CSMD1: variants seen among roughly 807,000 people sequenced by gnomAD.
The protein encoded by CSMD1 is CUB and Sushi multiple domains 1, also known as CUB and sushi domain-containing protein 1.
In CSMD1, 213 loss-of-function variants were observed where a neutral mutation model predicts 417.5. The observed-to-expected ratio is 0.51, with a 90% CI of 0.46 to 0.57. CSMD1 has a LOEUF of 0.57. Ranked by LOEUF, CSMD1 falls within the 20% of genes least tolerant of loss-of-function variation. CSMD1 has a pLI of 0.00. For missense variants in CSMD1, 6,923 were observed against 4,529.7 expected, an observed-to-expected ratio of 1.53 and a Z score of -15.17; for synonymous variants, 2,862 against 1,736.8, an observed-to-expected ratio of 1.65 and a Z score of -16.11.
At position 4,679,537 on chromosome 8, in the gene CSMD1, C is replaced by G. The variant is rs184838831; in HGVS notation, c.86-41979G>C. On this transcript the variant is annotated intron_variant, in intron 1 of 69. Coordinates refer to ENST00000635120, the MANE Select transcript of CSMD1 (RefSeq NM_033225.6). ...CGCTTCTGGCATTGGCCCCAAAATG[C>G]CAAATTTGAGGAGCACAGATAATTT... 3.3e-3 allele frequency among the ~76,000 whole-genome samples: 499 copies of G among 152,200 alleles called. 1 individual carries two copies. The highest frequency in any genetic ancestry group is 0.011 in the African/African-American group (469 of 41,538).
rs2128931297 is a variant in CSMD1, at chr8:4,405,433, T to C, written c.415+14520A>G. 2.0e-5 allele frequency among the ~76,000 whole-genome samples: 3 copies of C among 152,262 alleles called. No homozygotes were observed. The East Asian group carries it at 5.8e-4, about 29-fold the overall frequency. ...GAGTTTCTTAACCTCAGTTGTCAAT[T>C]GTAAAATGAAGATTTTAACGCCCAT... is the stretch of plus-strand genomic sequence containing the variant. On this transcript the variant is annotated intron_variant, in intron 3 of 69. Transcript: ENST00000635120.
intron 1 of CSMD1, among the ~76,000 whole-genome samples, chr8:4,835,909 T>C (rs369109162): frequency 6.6e-6 from 1 of 152,112 alleles, no homozygotes; most frequent in Non-Finnish European, 1.5e-5. Flanking sequence ...TTTGGAAATG[T>C]AAGTACAGAT....
intron 25 of CSMD1, among the ~76,000 whole-genome samples, chr8:3,295,855 G>C (rs904705539): frequency 6.6e-6 from 1 of 152,068 alleles, no homozygotes; most frequent in Non-Finnish European, 1.5e-5. Context: ...TCTATAAGAC[G>C]TTCCCTTTTT....
chr8:3,065,959 G>A (rs139381605), intron 49 of CSMD1, among the ~76,000 whole-genome samples: 53 of 152,178 alleles, frequency 3.5e-4, no homozygotes, highest in African/African-American at 7.7e-4. Context: ...CTTTCTCCGA[G>A]CACTAAATAA....
intron 23 of CSMD1, among the ~76,000 whole-genome samples, chr8:3,341,181 C>A (rs1354819118): frequency 6.6e-6 from 1 of 152,048 alleles, no homozygotes; most frequent in African/African-American, 2.4e-5. Flanking sequence ...CTGACGCAAG[C>A]CTTCTGGGTG....
chr8:3,824,726 T>A (rs1801952495), intron 5 of CSMD1, among the ~76,000 whole-genome samples: 1 of 152,182 alleles, frequency 6.6e-6, no homozygotes. Flanking sequence ...TTAATTTGGC[T>A]ACTAGAGAAT....
intron 3 of CSMD1, among the ~76,000 whole-genome samples, chr8:4,271,495 C>A (rs550939886): frequency 3.3e-5 from 5 of 151,626 alleles, no homozygotes; most frequent in Admixed American, 6.6e-5. Context: ...AGAGAAAAAA[C>A]TGCATCAAAA....
At chr8:3,435,819 C>G (rs546164923) in intron 12 of CSMD1, among the ~76,000 whole-genome samples, 12 of 152,308 alleles carry the variant, frequency 7.9e-5, no homozygotes, top group African/African-American at 2.9e-4. Context: ...TGCAGAGTGA[C>G]AAGAGAAACA....
At chr8:3,515,946 A>G (rs1222549796) in intron 10 of CSMD1, among the ~76,000 whole-genome samples, 1 of 152,194 alleles carries the variant, frequency 6.6e-6, no homozygotes, top group Non-Finnish European at 1.5e-5. Flanking sequence ...TATGTGTTTG[A>G]GTGACGTACC....
intron 3 of CSMD1, among the ~76,000 whole-genome samples, chr8:4,205,825 C>T (rs947185960): frequency 5.3e-5 from 8 of 151,980 alleles, no homozygotes; most frequent in Admixed American, 2.0e-4. Flanking sequence ...AAAATTCTCC[C>T]CCATTAACAT....
chr8:4,112,645 C>G (rs952290541), intron 3 of CSMD1, among the ~76,000 whole-genome samples: 2 of 152,192 alleles, frequency 1.3e-5, no homozygotes, highest in African/African-American at 2.4e-5. Context: ...CAAAGGGGAT[C>G]CTGCCCCAAA....
intron 1 of CSMD1, among the ~76,000 whole-genome samples, chr8:4,789,422 A>G (rs570821576): frequency 2.0e-5 from 3 of 152,136 alleles, no homozygotes; most frequent in Non-Finnish European, 4.4e-5. Flanking sequence ...TCTAATATTG[A>G]TAGTACTGTG....
chr8:3,828,435 C>G (rs563596738), intron 5 of CSMD1, among the ~76,000 whole-genome samples: 1 of 152,170 alleles, frequency 6.6e-6, no homozygotes, highest in East Asian at 1.9e-4. Context: ...ACTTGGAATA[C>G]AAAAAGAATA....
chr8:2,999,442 C>T lies in CSMD1; in HGVS notation c.8203+516G>A, dbSNP rs537841749. Among the ~76,000 whole-genome samples the T allele has an allele frequency of 8.5e-5, 13 of 152,238 alleles. No homozygotes were observed. The East Asian group carries it at 2.5e-3, about 29-fold the overall frequency. On this transcript the variant is annotated intron_variant, in intron 53 of 69. Coordinates refer to ENST00000635120, the MANE Select transcript of CSMD1 (RefSeq NM_033225.6). ...GTGCTGGGATTACAGGCGTGAGCCA[C>T]CACGCCTGGCCAATTTTACCTCTTT... is the stretch of plus-strand genomic sequence containing the variant.
chr8:3,099,171 C>T (rs971116415), intron 46 of CSMD1, among the ~76,000 whole-genome samples: 1 of 152,054 alleles, frequency 6.6e-6, no homozygotes, highest in Non-Finnish European at 1.5e-5. Flanking sequence ...ACTCATCAGA[C>T]CTTACTACAA....
At position 4,586,282 on chromosome 8, in the gene CSMD1, A is replaced by G. The variant is rs1210357836; in HGVS notation, c.302+51060T>C. 2.0e-5 allele frequency among the ~76,000 whole-genome samples: 3 copies of G among 152,340 alleles called. No individual in the cohort carries two copies. The East Asian group carries it at 5.8e-4, about 29-fold the overall frequency. Reference sequence around the variant, plus strand: ...TCATTCTGACTGTATTTTAGTACCCATCAGCCATTCCCAATTTTTCCCCAG... The same window carrying G: ...TCATTCTGACTGTATTTTAGTACCCGTCAGCCATTCCCAATTTTTCCCCAG... On this transcript the variant is annotated intron_variant, in intron 2 of 69. Transcript: ENST00000635120.
At chr8:3,796,523 A>T (rs894729774) in intron 5 of CSMD1, among the ~76,000 whole-genome samples, 4 of 144,308 alleles carry the variant, frequency 2.8e-5, no homozygotes, top group Non-Finnish European at 6.0e-5. Flanking sequence ...CTATATATCT[A>T]TATCTAAGAT....
chr8:3,898,984 A>G (rs1807548153), intron 5 of CSMD1, among the ~76,000 whole-genome samples: 1 of 152,236 alleles, frequency 6.6e-6, no homozygotes, highest in South Asian at 2.1e-4. Context: ...CATACAGTAC[A>G]TATTTCAGTG....
intron 68 of CSMD1, 59 bp from the exon 69 acceptor site, chr8:2,942,663 T>A: frequency 7.5e-7 from 1 of 1,330,760 alleles, no homozygotes; most frequent in South Asian, 1.8e-5. Context: ...AACAAATACA[T>A]ATGATAAATT....
Sources: gnomAD v4.1 joint callset for allele counts (sites outside exome capture counted in the v4.1 genomes callset) on GRCh38, gnomAD v4.1.1 for gene constraint, MANE v1.5 for transcripts, NCBI Gene and HGNC (gene_info 2026-07-23, HGNC 2026-07-21) for gene names.